DMD: variants seen among roughly 807,000 people sequenced by gnomAD.
DMD encodes the protein mutant dystrophin.
DMD carries 63 observed loss-of-function variants against 330.1 expected under a neutral mutation model. That is an observed-to-expected ratio of 0.19 (90% CI 0.16 to 0.24). The LOEUF (loss-of-function observed/expected upper bound fraction) is 0.24. Among genes scored for constraint, DMD ranks in the 10% least tolerant of loss-of-function variants. DMD has a pLI of 1.00. For synonymous variants in DMD, 1,223 were observed against 959.8 expected, an observed-to-expected ratio of 1.27 and a Z score of -5.07; for missense variants, 3,344 against 2,684.1, an observed-to-expected ratio of 1.25 and a Z score of -5.43.
chrX:31,399,103 C>T (rs1175818557), intron 60 of DMD, among the ~76,000 whole-genome samples: 1 of 111,178 alleles, frequency 9.0e-6, no homozygotes, highest in East Asian at 2.8e-4. Context: ...GTGTGACAGC[C>T]TTTTTCACCC....
At chrX:32,089,650 G>A in intron 44 of DMD, among the ~76,000 whole-genome samples, 1 of 111,749 alleles carries the variant, frequency 8.9e-6, no homozygotes, top group African/African-American at 3.3e-5. Context: ...AGTATTCCAT[G>A]GTGTATATGT....
At chrX:31,571,254 G>GGTGTGTGTGTGTGT (rs371098859) in intron 55 of DMD, among the ~76,000 whole-genome samples, 1,159 of 90,414 alleles carry the variant, frequency 0.013, 20 homozygotes, top group African/African-American at 0.027. Flanking sequence ...GATTTAAAGG[G>GGTGTGTGTGTGTGT]GTGTGTGTGT....
intron 44 of DMD, among the ~76,000 whole-genome samples, chrX:32,133,414 T>C (rs930631302): frequency 5.4e-5 from 6 of 111,525 alleles, no homozygotes; most frequent in African/African-American, 1.6e-4. Flanking sequence ...TCCTTAGTGA[T>C]ACAATCTGAT....
At chrX:32,456,574 T>C (rs921431431) in intron 25 of DMD, among the ~76,000 whole-genome samples, 6 of 82,657 alleles carry the variant, frequency 7.3e-5, no homozygotes, top group African/African-American at 2.8e-4. Flanking sequence ...TTCACATACA[T>C]ACTTTGTGTG....
intron 67 of DMD, among the ~76,000 whole-genome samples, chrX:31,199,983 G>T (rs980609085): frequency 2.7e-5 from 3 of 111,911 alleles, no homozygotes; most frequent in Non-Finnish European, 5.6e-5. Context: ...CAAGGTGACC[G>T]CCAGTGCACC....
At chrX:31,727,112 A>C (rs1359273970) in intron 52 of DMD, among the ~76,000 whole-genome samples, 1 of 112,200 alleles carries the variant, frequency 8.9e-6, no homozygotes, top group Non-Finnish European at 1.9e-5. Context: ...CTTAGGGAAA[A>C]AATTGAAGTG....
chrX:32,740,148 C>T (rs6653885), intron 7 of DMD, among the ~76,000 whole-genome samples: 19,010 of 108,441 alleles, frequency 0.18, 2,083 homozygotes, highest in African/African-American at 0.39. Flanking sequence ...TGTTCTCTTG[C>T]GTTCTTAAAG....
chrX:31,627,796 C>T lies in DMD; in HGVS notation c.8094G>A (p.Leu2698=). ...HRLLQQFPLD[L]EKFLAWLTEA... is the part of the protein sequence containing the mutation. ...CTGTAAGCCAGGCAAGAAACTTTTC[C>T]AGGTCCAGGGGGAACTGTTGCAGTA... The change falls in exon 55 of 79, where the codon CTG becomes CTA. Residue 2698 remains leucine, a synonymous_variant. Transcript: ENST00000357033. 8.3e-7 allele frequency: 1 copy of T among 1,211,140 alleles called. No homozygotes were observed. The highest frequency in any genetic ancestry group is 1.1e-6 in the Non-Finnish European group (1 of 895,292).
rs749330154 is a variant in DMD at position 31,631,035 on chromosome X, A to G, written c.8028-3173T>C. Among the ~76,000 whole-genome samples, 24 of 111,470 alleles carry G rather than the reference A, an allele frequency of 2.2e-4. No individual in the cohort carries two copies. In the South Asian group the frequency reaches 9.1e-3, roughly 42 times the overall value. On this transcript the variant is annotated intron_variant, in intron 54 of 78. Coordinates refer to ENST00000357033, the MANE Select transcript of DMD (RefSeq NM_004006.3). ...TCAGTATGTAAATAAGGGCAGCATGAAACAGTGTTCTCATAGTCCATGGAC... is the reference window on the plus strand; with the variant it reads ...TCAGTATGTAAATAAGGGCAGCATGGAACAGTGTTCTCATAGTCCATGGAC...
chrX:32,465,330 A>G (rs1457536562), intron 23 of DMD, among the ~76,000 whole-genome samples: 1 of 111,190 alleles, frequency 9.0e-6, no homozygotes, highest in Non-Finnish European at 1.9e-5. Context: ...CTGTTTTGCC[A>G]CTTCTAAAAA....
At chrX:32,802,240 G>A (rs2148697955) in intron 7 of DMD, among the ~76,000 whole-genome samples, 1 of 111,297 alleles carries the variant, frequency 9.0e-6, no homozygotes, top group Non-Finnish European at 1.9e-5. Flanking sequence ...TTATAAGTTG[G>A]ATTGCTAGGA....
chrX:32,901,434 T>G (rs1230932797), intron 2 of DMD, among the ~76,000 whole-genome samples: 1 of 109,321 alleles, frequency 9.1e-6, no homozygotes, highest in Non-Finnish European at 1.9e-5. Context: ...AGCCAAGCAA[T>G]TTGCTATTGA....
chrX:32,167,733 G>A (rs766025585), intron 44 of DMD, among the ~76,000 whole-genome samples: 1 of 111,796 alleles, frequency 8.9e-6, no homozygotes, highest in African/African-American at 3.3e-5. Flanking sequence ...GGACAGGCAC[G>A]AAGGCCTTTA....
intron 7 of DMD, among the ~76,000 whole-genome samples, chrX:32,803,093 G>T (rs1042755003): frequency 4.5e-5 from 5 of 111,528 alleles, no homozygotes; most frequent in Non-Finnish European, 9.4e-5. Context: ...AATCTGTCTG[G>T]TCCTGGGCTT....
chrX:32,471,830 G>A (rs1232132275), intron 22 of DMD, among the ~76,000 whole-genome samples: 1 of 111,811 alleles, frequency 8.9e-6, no homozygotes, highest in African/African-American at 3.2e-5. Context: ...TGTGACAGGA[G>A]TTACAAATAA....
chrX:31,262,183 C>T (rs771367559), intron 62 of DMD, among the ~76,000 whole-genome samples: 14 of 112,141 alleles, frequency 1.2e-4, no homozygotes, highest in Non-Finnish European at 2.6e-4. Flanking sequence ...GGTAAGTGAC[C>T]GGCACCATTT....
chrX:32,572,483 C>T (rs972715288), intron 15 of DMD, among the ~76,000 whole-genome samples: 1 of 109,124 alleles, frequency 9.2e-6, no homozygotes, highest in Non-Finnish European at 1.9e-5. Flanking sequence ...AAAAATTAAA[C>T]TCATAGTATC....
chrX:31,356,924 C>CTTTTTTT lies in DMD; in HGVS notation c.9085-8297_9085-8291dup, dbSNP rs58097229. Among the ~76,000 whole-genome samples, 7 of 74,291 alleles carry CTTTTTTT rather than the reference C, an allele frequency of 9.4e-5. 3 individuals are homozygous for CTTTTTTT. The highest frequency in any genetic ancestry group is 1.0e-4 in the African/African-American group (2 of 20,046). 64.5% of individuals were successfully genotyped at this position (74,291 alleles called of 115,157 possible). A position where few individuals can be genotyped will look rare whatever the true frequency, so the allele number is the denominator to read the frequency against. ...AGATCATAGGAAGCATTTCTTCTGC[C>CTTTTTTT]TTTTTTTTTTTTTTTTTTTTTGGTC... is the stretch of plus-strand genomic sequence containing the variant. On this transcript the variant is annotated intron_variant, in intron 60 of 78. Coordinates refer to ENST00000357033, the MANE Select transcript of DMD (RefSeq NM_004006.3).
At chrX:31,939,795 T>G (rs1037941898) in intron 45 of DMD, among the ~76,000 whole-genome samples, 1 of 111,956 alleles carries the variant, frequency 8.9e-6, no homozygotes, top group Non-Finnish European at 1.9e-5. Context: ...TAAAACATTA[T>G]GAGTACACAG....
Sources: allele counts gnomAD v4.1 joint callset (sites outside exome capture counted in the v4.1 genomes callset), GRCh38; gene constraint gnomAD v4.1.1; transcripts MANE v1.5; gene names NCBI Gene and HGNC (gene_info 2026-07-23, HGNC 2026-07-21).